Variants in HEATR4 observed in about 807,000 individuals in gnomAD.
The protein encoded by HEATR4 is HEAT repeat-containing protein 4.
A neutral mutation model predicts 108.8 loss-of-function variants in HEATR4; 95 were observed. That is an observed-to-expected ratio of 0.87 (90% confidence interval 0.74 to 1.04). The LOEUF (loss-of-function observed/expected upper bound fraction) is 1.04, where lower values mean the gene tolerates loss of function less well. Ranked by LOEUF, HEATR4 falls within the 50% of genes least tolerant of loss-of-function variation. The pLI, the probability that HEATR4 is intolerant of heterozygous loss-of-function variation, is 0.00. For synonymous variants in HEATR4, 443 were observed against 459.4 expected (o/e 0.96, Z 0.46); for missense variants, 1,152 against 1,253.8 (o/e 0.92, Z 1.23).
At chr14:73,606,726 C>T in the HEATR4 span, among the ~76,000 whole-genome samples, 5 of 152,268 alleles carry the variant, frequency 3.3e-5, no homozygotes, top group East Asian at 9.7e-4. Flanking sequence ...GTAAACATCA[C>T]TCAGATATCA....
the HEATR4 span, among the ~76,000 whole-genome samples, chr14:73,625,039 G>C: frequency 4.7e-4 from 71 of 151,824 alleles, no homozygotes; most frequent in Admixed American, 5.9e-4. Flanking sequence ...ACAATATTAC[G>C]GTCTTTTCAT....
At chr14:73,494,190 C>T (rs1341522664) in intron 16 of HEATR4, among the ~76,000 whole-genome samples, 1 of 152,158 alleles carries the variant, frequency 6.6e-6, no homozygotes, top group Admixed American at 6.6e-5. Flanking sequence ...AGTGAATATT[C>T]TCATGGTTGG....
chr14:73,585,289 G>T, the HEATR4 span, among the ~76,000 whole-genome samples: 1 of 152,242 alleles, frequency 6.6e-6, no homozygotes, highest in African/African-American at 2.4e-5. Flanking sequence ...ACCAGGGCTG[G>T]TGCTCCACCC....
At chr14:73,617,386 C>T in the HEATR4 span, among the ~76,000 whole-genome samples, 9 of 151,848 alleles carry the variant, frequency 5.9e-5, no homozygotes, top group East Asian at 1.9e-4. Context: ...AGGCTGAGGC[C>T]GGGGGATTGC....
intron 2 of HEATR4, among the ~76,000 whole-genome samples, chr14:73,524,306 A>AT (rs1195056520): frequency 3.3e-3 from 304 of 90,850 alleles, no homozygotes; most frequent in Middle Eastern, 0.019. Flanking sequence ...AAAAAAAAAA[A>AT]AAAAATATAT....
At chr14:73,512,503 G>A (rs1887327938) in intron 6 of HEATR4, among the ~76,000 whole-genome samples, 1 of 152,134 alleles carries the variant, frequency 6.6e-6, no homozygotes, top group African/African-American at 2.4e-5. Context: ...GTTATTAGCT[G>A]TGTGACTGTG....
Position 73,517,679 on chromosome 14 carries a change from A to G in HEATR4, c.1210+1344T>C, listed in dbSNP as rs566398698. Among the ~76,000 whole-genome samples the G allele has an allele frequency of 4.1e-4, 62 of 149,816 alleles. 3 individuals carry two copies. The South Asian group carries it at 9.7e-3, about 23-fold the overall frequency. On this transcript the variant is annotated intron_variant, in intron 5 of 17. Coordinates refer to ENST00000553558, the MANE Select transcript of HEATR4 (RefSeq NM_001220484.1). ...TGAGACCCTGTCAAAAAAAAAAAAA[A>G]AAGAAGAAGAAAAGAGAGAGAGGGA...
At chr14:73,590,040 G>C in the HEATR4 span, among the ~76,000 whole-genome samples, 20 of 152,172 alleles carry the variant, frequency 1.3e-4, no homozygotes, top group African/African-American at 4.1e-4. Flanking sequence ...CAAAAACTGA[G>C]CTACCTTTAT....
the HEATR4 span, among the ~76,000 whole-genome samples, chr14:73,599,690 A>C: frequency 6.6e-6 from 1 of 152,334 alleles, no homozygotes; most frequent in South Asian, 2.1e-4. Context: ...GCTATTATAC[A>C]TACTATCACT....
At chr14:73,508,429 C>T in intron 8 of HEATR4, 135 bp from the exon 9 acceptor site, 1 of 717,176 alleles carries the variant, frequency 1.4e-6, no homozygotes, top group Non-Finnish European at 2.3e-6. Flanking sequence ...TCTAGAAATA[C>T]AATTTCTTAT....
At chr14:73,585,227 C>A in the HEATR4 span, among the ~76,000 whole-genome samples, 1 of 152,164 alleles carries the variant, frequency 6.6e-6, no homozygotes, top group Non-Finnish European at 1.5e-5. Flanking sequence ...TGCCATAGCC[C>A]CTGCCTGGCC....
chr14:73,496,513 G>T, intron 15 of HEATR4, 88 bp downstream of exon 15: 1 of 778,206 alleles, frequency 1.3e-6, no homozygotes. Context: ...TGGGAAAAAG[G>T]GTATGTACAT....
Position 73,492,244 on chromosome 14 carries a change from C to T in HEATR4, c.2844+822G>A. 6.2e-7 allele frequency: 1 copy of T among 1,614,036 alleles called. No homozygotes were observed. Among genetic ancestry groups the T allele is most frequent in the South Asian group, 1.1e-5 (1 of 91,084 alleles). On this transcript the variant is annotated intron_variant, in intron 17 of 17. Transcript: ENST00000553558. This position sits in a 1 kb window ranked among gnomAD's most constrained non-coding sequence, Gnocchi z 4.9. ...GGGGCTTCATTCACCAAGCTGAATG[C>T]CAGGATGGAGTCCACTCTCTGCACC... is the stretch of plus-strand genomic sequence containing the variant.
At chr14:73,496,506 GA>G in intron 15 of HEATR4, 94 bp downstream of exon 15, 1 of 743,250 alleles carries the variant, frequency 1.3e-6, no homozygotes. Context: ...TCTATGGTGG[GA>G]AAAAGGGTAT....
chr14:73,628,484 T>C, the HEATR4 span, among the ~76,000 whole-genome samples: 1 of 152,022 alleles, frequency 6.6e-6, no homozygotes, highest in Non-Finnish European at 1.5e-5. Context: ...CTGGGTGTGG[T>C]GGCTCACACC....
chr14:73,623,142 T>A, the HEATR4 span, among the ~76,000 whole-genome samples: 1 of 151,190 alleles, frequency 6.6e-6, no homozygotes, highest in Non-Finnish European at 1.5e-5. Flanking sequence ...AACTCCTGAG[T>A]TCAGGTGATC....
At chr14:73,572,642 T>C in the HEATR4 span, among the ~76,000 whole-genome samples, 3,132 of 12,010 alleles carry the variant, frequency 0.26, 423 homozygotes, top group East Asian at 0.54. Context: ...TGTTTGCATT[T>C]TTTTTTTTTT....
rs1003891125 is a variant in HEATR4 at position 73,509,252 on chromosome 14, A to C, written c.1720+60T>G. On this transcript the variant is annotated intron_variant, in intron 8 of 17. Transcript: ENST00000553558. ...ACAGTGGAGAGGAAAGGACTGGGAA[A>C]GCTGATAGTGAGATGTCTATCCCAT... 3.2e-5 allele frequency: 49 copies of C among 1,509,760 alleles called. No homozygotes were observed. The African/African-American group carries it at 5.9e-4, about 18-fold the overall frequency. The allele number at this position is 1,509,760 out of a possible 1,614,324, so 93.5% of individuals were successfully genotyped here.
intron 15 of HEATR4, among the ~76,000 whole-genome samples, chr14:73,495,678 A>G (rs1002760819): frequency 6.6e-6 from 1 of 152,084 alleles, no homozygotes; most frequent in Non-Finnish European, 1.5e-5. Flanking sequence ...TTGGTTGGAG[A>G]TTTTTTATAC....
Sources: gnomAD v4.1 joint callset for allele counts (sites outside exome capture counted in the v4.1 genomes callset) on GRCh38, gnomAD v4.1.1 for gene constraint, Gnocchi (gnomAD v3.1) non-coding constraint, MANE v1.5 for transcripts, NCBI Gene and HGNC (gene_info 2026-07-23, HGNC 2026-07-21) for gene names.